MTCL1: variants seen among roughly 807,000 people sequenced by gnomAD.
The protein encoded by MTCL1 is microtubule crosslinking factor 1.
Under a neutral mutation model 141.4 loss-of-function variants are expected in MTCL1, and 79 were observed. That is an observed-to-expected ratio of 0.56 (90% CI 0.47 to 0.67). The LOEUF (loss-of-function observed/expected upper bound fraction) is 0.67. MTCL1 is among the 30% of genes least tolerant of loss of function. The pLI is 0.00. For missense variants in MTCL1, 2,177 were observed against 2,113.9 expected (o/e 1.03, Z -0.59); for synonymous variants, 914 against 875.8 (o/e 1.04, Z -0.77).
chr18:8,807,778 C>G (rs1301344147), intron 11 of MTCL1, among the ~76,000 whole-genome samples: 1 of 152,190 alleles, frequency 6.6e-6, no homozygotes, highest in Non-Finnish European at 1.5e-5. Context: ...TACATGGTAT[C>G]TGCTGCTGAG....
At chr18:8,804,978 C>A (rs1254993667) in intron 10 of MTCL1, among the ~76,000 whole-genome samples, 1 of 98,124 alleles carries the variant, frequency 1.0e-5, no homozygotes, top group East Asian at 2.9e-4. Context: ...CAGAGCGAGA[C>A]CTTGCCTCAA....
chr18:8,787,777 C>T (rs902060105), intron 7 of MTCL1, among the ~76,000 whole-genome samples: 2 of 152,182 alleles, frequency 1.3e-5, no homozygotes, highest in Non-Finnish European at 2.9e-5. Flanking sequence ...GAAAAGAAAA[C>T]TCAATTATGC....
rs2096517643 is a variant in MTCL1 at position 8,777,911 on chromosome 18, T to C, written c.417+19T>C. On this transcript the variant is annotated intron_variant, in intron 5 of 16. Transcript: ENST00000359865. ...TAACCAGGTAAGCAGAGGTTTTCAT[T>C]CTAATGTTACATCTCCTATAAGTGA... 1.9e-6 allele frequency: 3 copies of C among 1,609,412 alleles called. No homozygotes were observed. Among genetic ancestry groups the C allele is most frequent in the Non-Finnish European group, 2.5e-6 (3 of 1,176,784 alleles).
intron 16 of MTCL1, chr18:8,829,726 A>C: frequency 3.0e-6 from 3 of 985,382 alleles, no homozygotes; most frequent in Non-Finnish European, 3.6e-6. Flanking sequence ...AAAAGATGAC[A>C]GGGAACACAG....
At chr18:8,796,080 T>C in intron 8 of MTCL1, 152 bp from the exon 8 acceptor site, 1 of 690,786 alleles carries the variant, frequency 1.4e-6, no homozygotes, top group Non-Finnish European at 2.5e-6. Flanking sequence ...ACTGAAGCCC[T>C]TTATCAAACT....
intron 4 of MTCL1, among the ~76,000 whole-genome samples, chr18:8,735,914 T>A (rs1004100967): frequency 4.6e-5 from 7 of 152,308 alleles, no homozygotes; most frequent in Admixed American, 2.6e-4. Context: ...TATATATATT[T>A]TTTTTAACCA....
intron 4 of MTCL1, among the ~76,000 whole-genome samples, chr18:8,732,885 A>AGCAG (rs2096257948): frequency 6.6e-6 from 1 of 152,216 alleles, no homozygotes; most frequent in East Asian, 1.9e-4. Context: ...TGTGACCTTC[A>AGCAG]GCAGTGTTCC....
At chr18:8,750,738 G>C (rs1326000003) in intron 4 of MTCL1, among the ~76,000 whole-genome samples, 1 of 152,204 alleles carries the variant, frequency 6.6e-6, no homozygotes, top group Non-Finnish European at 1.5e-5. Context: ...CATGCTTTTT[G>C]AATGCATTGC....
chr18:8,766,048 G>A (rs1239440862), intron 4 of MTCL1, among the ~76,000 whole-genome samples: 3 of 151,956 alleles, frequency 2.0e-5, no homozygotes, highest in Non-Finnish European at 4.4e-5. Context: ...AGGTCTTCTG[G>A]ATTTTTATAG....
intron 7 of MTCL1, among the ~76,000 whole-genome samples, chr18:8,790,575 C>A (rs560304185): frequency 1.3e-5 from 2 of 152,356 alleles, no homozygotes; most frequent in East Asian, 3.9e-4. Context: ...CTGTATCCCC[C>A]ACGCTTTAGA....
intron 10 of MTCL1, among the ~76,000 whole-genome samples, chr18:8,804,288 C>G (rs1205113148): frequency 7.0e-6 from 1 of 142,046 alleles, no homozygotes; most frequent in African/African-American, 2.6e-5. Context: ...CAAGGTCTTG[C>G]TCTGTCACCT....
chr18:8,784,821 A>G, exon 6 of MTCL1: 1 of 1,604,166 alleles, frequency 6.2e-7, no homozygotes, highest in South Asian at 1.1e-5. Context: ...AACCTGGGGA[A>G]GGAGCTGGGC....
chr18:8,726,530 AGTGCGCATGCGC>A lies in MTCL1; in HGVS notation c.357+6036_357+6047del, dbSNP rs779923714. 2.2e-3 allele frequency among the ~76,000 whole-genome samples: 249 copies of A among 112,864 alleles called. 2 individuals carry two copies. The highest frequency in any genetic ancestry group is 0.011 in the African/African-American group (236 of 22,082). 74.0% of individuals were successfully genotyped at this position (112,864 alleles called of 152,430 possible). On this transcript the variant is annotated intron_variant, in intron 4 of 16. Transcript: ENST00000359865. ...GCGCAAGAGCGAGCGAGAGAGAGCG[AGTGCGCATGCGC>A]GCGCGCAACAAGCAATGTTCTGGTG...
chr18:8,798,411 T>A, intron 10 of MTCL1, 120 bp downstream of exon 9: 4 of 811,068 alleles, frequency 4.9e-6, no homozygotes, highest in Non-Finnish European at 5.4e-6. Flanking sequence ...TTCCACCGCC[T>A]GACTGCGGTC....
At chr18:8,762,239 C>T (rs1008883841) in intron 4 of MTCL1, among the ~76,000 whole-genome samples, 3 of 152,198 alleles carry the variant, frequency 2.0e-5, no homozygotes, top group African/African-American at 4.8e-5. Context: ...AAGGACACCT[C>T]GCCGAATGGC....
chr18:8,826,266 A>G, intron 15 of MTCL1, 34 bp downstream of exon 14: 1 of 1,498,282 alleles, frequency 6.7e-7, no homozygotes, highest in Non-Finnish European at 9.0e-7. Context: ...ACCCTTCCCC[A>G]CCAGCTCTTC....
chr18:8,798,466 C>A (rs1214509667), intron 10 of MTCL1, among the ~76,000 whole-genome samples, 175 bp downstream of exon 9: 1 of 152,174 alleles, frequency 6.6e-6, no homozygotes. Flanking sequence ...GAAATCACCT[C>A]ATCAAACCTT....
rs535235579 is a variant in MTCL1 at position 8,709,200 on chromosome 18, G to T, written c.1053+2487G>T. 4.0e-4 allele frequency among the ~76,000 whole-genome samples: 61 copies of T among 150,636 alleles called. No individual in the cohort carries two copies. The East Asian group carries it at 5.7e-3, about 14-fold the overall frequency. Reference sequence around the variant, plus strand: ...AGGGGTATTTTTTCCGTTTTTTGTGGTTTTTTTTTGAAGGGATGGTCTTGC... The same window carrying T: ...AGGGGTATTTTTTCCGTTTTTTGTGTTTTTTTTTTGAAGGGATGGTCTTGC... On this transcript the variant is annotated intron_variant, in intron 1 of 13. Coordinates refer to the MTCL1 transcript ENST00000306329.
At chr18:8,745,504 C>T (rs954684835) in intron 4 of MTCL1, among the ~76,000 whole-genome samples, 4 of 152,124 alleles carry the variant, frequency 2.6e-5, no homozygotes, top group Non-Finnish European at 5.9e-5. Flanking sequence ...TTTATCATTC[C>T]GTTGTCTGGA....
Sources: allele counts gnomAD v4.1 joint callset (sites outside exome capture counted in the v4.1 genomes callset), GRCh38; gene constraint gnomAD v4.1.1; transcripts MANE v1.5; gene names NCBI Gene and HGNC (gene_info 2026-07-23, HGNC 2026-07-21).